The following YAP1 variants were observed in gnomAD, a reference collection of about 807,000 sequenced individuals.
The protein encoded by YAP1 is Yes1 associated transcriptional regulator.
YAP1 carries 5 observed loss-of-function variants against 56.9 expected under a neutral mutation model. The observed-to-expected ratio is 0.09, with a 90% CI of 0.05 to 0.18. YAP1 has a LOEUF of 0.18. Ranked by LOEUF, YAP1 falls within the 10% of genes least tolerant of loss-of-function variation. The pLI is 1.00. For synonymous variants in YAP1, 265 were observed against 248.1 expected, an observed-to-expected ratio of 1.07 and a Z score of -0.64; for missense variants, 539 against 651.8, an observed-to-expected ratio of 0.83 and a Z score of 1.88.
chr11:102,154,043 A>G (rs972014104), intron 2 of YAP1, among the ~76,000 whole-genome samples: 1 of 152,160 alleles, frequency 6.6e-6, no homozygotes, highest in African/African-American at 2.4e-5. Context: ...GACTGTGACT[A>G]TTAGTAACAT....
At chr11:102,141,168 A>T (rs1478759224) in intron 2 of YAP1, among the ~76,000 whole-genome samples, 1 of 152,144 alleles carries the variant, frequency 6.6e-6, no homozygotes, top group Non-Finnish European at 1.5e-5. Context: ...CTGCCTTGGG[A>T]GTCCCTCATG....
chr11:102,175,699 G>A (rs528615649), intron 3 of YAP1, among the ~76,000 whole-genome samples: 1 of 152,288 alleles, frequency 6.6e-6, no homozygotes, highest in South Asian at 2.1e-4. Flanking sequence ...GCATGTTACC[G>A]TACTGAAGAC....
At chr11:102,129,599 C>T (rs1340343643) in intron 2 of YAP1, among the ~76,000 whole-genome samples, 1 of 110,268 alleles carries the variant, frequency 9.1e-6, no homozygotes, top group Non-Finnish European at 1.7e-5. Context: ...GGCTGGGCAA[C>T]AGAGCGAGAC....
chr11:102,112,913 G>T (rs1166212750), intron 1 of YAP1, among the ~76,000 whole-genome samples: 1 of 152,154 alleles, frequency 6.6e-6, no homozygotes, highest in African/African-American at 2.4e-5. Flanking sequence ...ACTGGGAAGT[G>T]TACTTTTTCT....
At chr11:102,111,797 T>G (rs1214925511) in intron 1 of YAP1, among the ~76,000 whole-genome samples, 1 of 152,116 alleles carries the variant, frequency 6.6e-6, no homozygotes, top group African/African-American at 2.4e-5. Flanking sequence ...GTCCATTTAG[T>G]TTTTTGCTCT....
intron 2 of YAP1, among the ~76,000 whole-genome samples, chr11:102,162,220 A>T (rs1000362578): frequency 6.6e-6 from 1 of 152,206 alleles, no homozygotes; most frequent in Non-Finnish European, 1.5e-5. Flanking sequence ...TTTCACTTAA[A>T]ATTCCAGGCA....
At chr11:102,175,075 G>T (rs1312863748) in intron 3 of YAP1, among the ~76,000 whole-genome samples, 4 of 152,162 alleles carry the variant, frequency 2.6e-5, no homozygotes, top group Admixed American at 1.3e-4. Flanking sequence ...TCAGGATGGG[G>T]TGGGCAGGAT....
At chr11:102,145,616 A>T (rs1945281413) in intron 2 of YAP1, among the ~76,000 whole-genome samples, 1 of 152,236 alleles carries the variant, frequency 6.6e-6, no homozygotes, top group Non-Finnish European at 1.5e-5. Context: ...AATTGAAGGT[A>T]AAAGACGTTA....
chr11:102,228,528 G>A lies in YAP1; in HGVS notation c.1276+947G>A, dbSNP rs561639112. ...TATGCACCTGTAATCCCAGCTACTC[G>A]GGAGACTGAGGCAGGAGAATCATTT... On this transcript the variant is annotated intron_variant, in intron 8 of 8. Coordinates refer to ENST00000282441, the MANE Select transcript of YAP1 (RefSeq NM_001130145.3). 7.5e-4 allele frequency among the ~76,000 whole-genome samples: 114 copies of A among 150,994 alleles called. 1 individual carries two copies. The highest frequency in any genetic ancestry group is 1.7e-3 in the South Asian group (8 of 4,762).
chr11:102,148,488 C>T (rs938436350), intron 2 of YAP1, among the ~76,000 whole-genome samples: 10 of 152,092 alleles, frequency 6.6e-5, no homozygotes, highest in African/African-American at 1.9e-4. Context: ...CAATAAATCC[C>T]GTGTACTTAA....
At chr11:102,152,473 A>G (rs1171105195) in intron 2 of YAP1, among the ~76,000 whole-genome samples, 1 of 152,156 alleles carries the variant, frequency 6.6e-6, no homozygotes, top group Non-Finnish European at 1.5e-5. Flanking sequence ...GTCTAGGGAA[A>G]GCCAGGCTAC....
At chr11:102,192,067 G>A (rs1054029964) in intron 4 of YAP1, among the ~76,000 whole-genome samples, 2 of 152,184 alleles carry the variant, frequency 1.3e-5, no homozygotes, top group African/African-American at 2.4e-5. Context: ...TTGCCTCACC[G>A]ATCTCAGCTT....
intron 2 of YAP1, among the ~76,000 whole-genome samples, chr11:102,150,359 C>G (rs146623438): frequency 1.3e-5 from 2 of 152,286 alleles, no homozygotes; most frequent in Non-Finnish European, 2.9e-5. Context: ...CAAGAAGTTT[C>G]AGAATGTTTT....
Position 102,230,064 on chromosome 11 carries a change from A to G in YAP1, c.*124A>G. On this transcript the variant is annotated 3_prime_UTR_variant, in exon 9 of 9. Transcript: ENST00000282441. Reference sequence around the variant, plus strand: ...GAAAAAGATGAACAAACGTCCAGCAAGATACTTTAATCCTCTATTTTGCTC... The same window carrying G: ...GAAAAAGATGAACAAACGTCCAGCAGGATACTTTAATCCTCTATTTTGCTC... 1 of 796,186 alleles carries G rather than the reference A, an allele frequency of 1.3e-6. No homozygotes were observed. The highest frequency in any genetic ancestry group is 2.4e-5 in the East Asian group (1 of 40,832). 49.3% of individuals were successfully genotyped at this position (796,186 alleles called of 1,614,324 possible).
intron 8 of YAP1, among the ~76,000 whole-genome samples, chr11:102,228,323 C>T (rs1315140460): frequency 6.6e-6 from 1 of 151,942 alleles, no homozygotes; most frequent in African/African-American, 2.4e-5. Flanking sequence ...GGAGGTGGGG[C>T]TCACTTACTT....
chr11:102,206,231 A>C lies in YAP1; in HGVS notation c.984+157A>C, dbSNP rs1949114546. On this transcript the variant is annotated intron_variant, in intron 5 of 8. Coordinates refer to ENST00000282441, the MANE Select transcript of YAP1 (RefSeq NM_001130145.3). ...TTCTATCCAGCCCTGTCCTTGTCTT[A>C]GTTTTGTGACTGTGAATGGCCTTTG... is the stretch of plus-strand genomic sequence containing the variant. The C allele has an allele frequency of 1.8e-5, 16 of 877,880 alleles. No homozygotes were observed. The South Asian group carries it at 3.7e-4, about 20-fold the overall frequency. The allele number at this position is 877,880 out of a possible 1,614,324, so 54.4% of individuals were successfully genotyped here.
intron 2 of YAP1, among the ~76,000 whole-genome samples, chr11:102,146,095 T>C (rs1274691995): frequency 1.3e-5 from 2 of 152,242 alleles, no homozygotes; most frequent in African/African-American, 2.4e-5. Context: ...AGTAATGTAC[T>C]TGGACAAGTC....
intron 2 of YAP1, among the ~76,000 whole-genome samples, chr11:102,132,873 TA>T (rs918422429): frequency 1.3e-5 from 2 of 152,218 alleles, no homozygotes; most frequent in Non-Finnish European, 2.9e-5. Context: ...TTTACTGGCA[TA>T]GGGGCCCGGC....
intron 2 of YAP1, among the ~76,000 whole-genome samples, chr11:102,132,127 A>T (rs1016422830): frequency 2.9e-4 from 44 of 151,564 alleles, no homozygotes; most frequent in African/African-American, 8.7e-4. Flanking sequence ...CAAAAAAAAT[A>T]AAAAAAAAGA....
Sources: gnomAD v4.1 joint callset for allele counts (sites outside exome capture counted in the v4.1 genomes callset) on GRCh38, gnomAD v4.1.1 for gene constraint, MANE v1.5 for transcripts, NCBI Gene and HGNC (gene_info 2026-07-23, HGNC 2026-07-21) for gene names.